The following HAO1 variants were observed in gnomAD, a reference collection of about 807,000 sequenced individuals.
HAO1 encodes 2-Hydroxyacid oxidase 1.
HAO1 carries 34 observed loss-of-function variants against 39.7 expected under a neutral mutation model. That is an observed-to-expected ratio of 0.86 (90% CI 0.65 to 1.14). HAO1 has a LOEUF of 1.14. HAO1 is among the 50% of genes most tolerant of loss of function. HAO1 has a pLI of 0.00. For missense variants in HAO1, 479 were observed against 464.5 expected (o/e 1.03, Z -0.29); for synonymous variants, 172 against 173.2 (o/e 0.99, Z 0.05).
At chr20:7,890,524 TTTTG>T (rs1338255331) in intron 5 of HAO1, among the ~76,000 whole-genome samples, 1 of 152,106 alleles carries the variant, frequency 6.6e-6, no homozygotes, top group Non-Finnish European at 1.5e-5. Flanking sequence ...GGTTATTGTC[TTTTG>T]TTTGTTTTTT....
chr20:7,921,531 A>G (rs1216526915), intron 2 of HAO1, among the ~76,000 whole-genome samples: 3 of 152,102 alleles, frequency 2.0e-5, no homozygotes, highest in African/African-American at 4.8e-5. Flanking sequence ...AAGCCACTAT[A>G]GAGAGCAGTT....
At position 7,908,019 on chromosome 20, in the gene HAO1, C is replaced by T. The variant is rs149534398; in HGVS notation, c.546-1690G>A. On this transcript the variant is annotated intron_variant, in intron 3 of 7. Coordinates refer to ENST00000378789, the MANE Select transcript of HAO1 (RefSeq NM_017545.3). The stretch of plus-strand genomic sequence containing the variant: ...AGTATAGTTGTATGTATATTGATCT[C>T]TGGCTTAGTCCCATCTCTTTCTTCC... Among the ~76,000 whole-genome samples, 562 of 152,254 alleles carry T rather than the reference C, an allele frequency of 3.7e-3. 4 individuals are homozygous for T. The highest frequency in any genetic ancestry group is 0.014 in the Middle Eastern group (4 of 294).
chr20:7,929,166 G>T lies in HAO1; in HGVS notation c.289+5318C>A, dbSNP rs530001830. On this transcript the variant is annotated intron_variant, in intron 2 of 7. Transcript: ENST00000378789. The stretch of plus-strand genomic sequence containing the variant: ...CTAAAAGTACCTTTTTTTCCCTGAG[G>T]TTTCTGCATAAAGCTTAAAATAAAA... 1.3e-4 allele frequency among the ~76,000 whole-genome samples: 19 copies of T among 151,944 alleles called. No individual in the cohort carries two copies. In the East Asian group the frequency reaches 3.7e-3, roughly 29 times the overall value.
chr20:7,885,484 A>G, intron 7 of HAO1, 37 bp downstream of exon 7: 1 of 1,387,256 alleles, frequency 7.2e-7, no homozygotes, highest in Non-Finnish European at 1.0e-6. Context: ...TAAAGATCAT[A>G]AAAGAAAAGA....
intron 6 of HAO1, 52 bp from the exon 7 acceptor site, chr20:7,885,642 G>T (rs1172334557): frequency 1.3e-6 from 2 of 1,561,002 alleles, no homozygotes; most frequent in Non-Finnish European, 1.8e-6. Flanking sequence ...AGTCTGACTT[G>T]TTTTATTCAT....
intron 2 of HAO1, among the ~76,000 whole-genome samples, chr20:7,933,442 T>C (rs1372774258): frequency 1.4e-5 from 2 of 146,206 alleles, no homozygotes; most frequent in African/African-American, 4.9e-5. Context: ...AGTATTTCCC[T>C]TTTTTTTTCT....
intron 1 of HAO1, among the ~76,000 whole-genome samples, chr20:7,939,185 T>C (rs541794338): frequency 6.6e-6 from 1 of 152,234 alleles, no homozygotes; most frequent in East Asian, 1.9e-4. Context: ...TTCCCATGAC[T>C]TCCCTGGCAT....
chr20:7,914,607 G>A (rs1241298443), intron 2 of HAO1, among the ~76,000 whole-genome samples, 188 bp from the exon 3 acceptor site: 1 of 152,124 alleles, frequency 6.6e-6, no homozygotes, highest in African/African-American at 2.4e-5. Flanking sequence ...TGATACAAAT[G>A]GCTACTGGAG....
chr20:7,893,707 A>G (rs2050184321), intron 5 of HAO1, among the ~76,000 whole-genome samples: 1 of 152,116 alleles, frequency 6.6e-6, no homozygotes, highest in East Asian at 1.9e-4. Flanking sequence ...AGCACTCGCC[A>G]CTTTCCAACC....
At chr20:7,933,336 G>T (rs2122799149) in intron 2 of HAO1, among the ~76,000 whole-genome samples, 1 of 151,982 alleles carries the variant, frequency 6.6e-6, no homozygotes, top group Admixed American at 6.5e-5. Flanking sequence ...GTTTTTTGAT[G>T]TTCATTTGTT....
At chr20:7,889,289 A>AT in intron 5 of HAO1, among the ~76,000 whole-genome samples, 1 of 152,140 alleles carries the variant, frequency 6.6e-6, no homozygotes, top group East Asian at 1.9e-4. Flanking sequence ...GCCATTGATA[A>AT]TTTTCACTGT....
intron 4 of HAO1, among the ~76,000 whole-genome samples, chr20:7,903,856 AGCGGTGGTG>A (rs2050234616): frequency 9.7e-5 from 1 of 10,356 alleles, no homozygotes; most frequent in African/African-American, 5.0e-4. Flanking sequence ...AGATTGTGGT[AGCGGTGGTG>A]GTGGTGGTGG....
At chr20:7,886,694 C>A (rs1365815964) in intron 5 of HAO1, among the ~76,000 whole-genome samples, 1 of 152,154 alleles carries the variant, frequency 6.6e-6, no homozygotes, top group African/African-American at 2.4e-5. Flanking sequence ...TGACCACTTG[C>A]AACATAAAGA....
intron 4 of HAO1, 66 bp downstream of exon 4, chr20:7,906,088 A>G: frequency 9.4e-7 from 1 of 1,067,342 alleles, no homozygotes; most frequent in Non-Finnish European, 1.4e-6. Context: ...TCCTTTAAGA[A>G]TATTATGAAC....
At chr20:7,930,470 G>T (rs1485541683) in intron 2 of HAO1, among the ~76,000 whole-genome samples, 2 of 152,170 alleles carry the variant, frequency 1.3e-5, no homozygotes, top group East Asian at 3.9e-4. Flanking sequence ...ATAGCCTTCA[G>T]TTAGCTATTA....
chr20:7,891,668 G>C (rs765795391), intron 5 of HAO1, among the ~76,000 whole-genome samples: 9 of 152,040 alleles, frequency 5.9e-5, no homozygotes, highest in Non-Finnish European at 1.2e-4. Context: ...AATTTTTATA[G>C]CTTCAAGTCT....
At chr20:7,928,526 T>A (rs1180137839) in intron 2 of HAO1, among the ~76,000 whole-genome samples, 1 of 151,234 alleles carries the variant, frequency 6.6e-6, no homozygotes, top group Non-Finnish European at 1.5e-5. Flanking sequence ...CCAGCAGAAC[T>A]ATTTAAAGAA....
rs3031711 is a variant in HAO1, at chr20:7,912,580, T to TA, written c.545+1583dup. 3.0e-3 allele frequency among the ~76,000 whole-genome samples: 437 copies of TA among 147,396 alleles called. 1 individual carries two copies. The Middle Eastern group carries it at 0.055, about 18-fold the overall frequency. Reference sequence around the variant, plus strand: ...AGTGGGAAACTATTTAGAAAGTCTTTAAAAAAAAAAAAAAGTAGTCAAAAT... The same window carrying TA: ...AGTGGGAAACTATTTAGAAAGTCTTTAAAAAAAAAAAAAAAGTAGTCAAAAT... On this transcript the variant is annotated intron_variant, in intron 3 of 7. Coordinates refer to ENST00000378789, the MANE Select transcript of HAO1 (RefSeq NM_017545.3).
chr20:7,910,704 A>C (rs934336423), intron 3 of HAO1, among the ~76,000 whole-genome samples: 1 of 152,188 alleles, frequency 6.6e-6, no homozygotes, highest in African/African-American at 2.4e-5. Flanking sequence ...AAGCCCCTTA[A>C]GTTAATCACA....
Sources: allele counts gnomAD v4.1 joint callset (sites outside exome capture counted in the v4.1 genomes callset), GRCh38; gene constraint gnomAD v4.1.1; transcripts MANE v1.5; gene names NCBI Gene and HGNC (gene_info 2026-07-23, HGNC 2026-07-21).